Variants in BRINP3 observed in about 807,000 individuals in gnomAD.
BRINP3 encodes BMP/retinoic acid inducible neural specific 3.
A neutral mutation model predicts 71.0 loss-of-function variants in BRINP3; 19 were observed. The ratio of observed to expected loss-of-function variants is 0.27; its 90% CI spans 0.19 to 0.39. BRINP3 has a LOEUF of 0.39. Among genes scored for constraint, BRINP3 ranks in the 10% least tolerant of loss-of-function variants. BRINP3 has a pLI of 1.00. For missense variants in BRINP3, 959 were observed against 940.8 expected, an observed-to-expected ratio of 1.02 and a Z score of -0.25; for synonymous variants, 380 against 337.7, an observed-to-expected ratio of 1.13 and a Z score of -1.37.
chr1:190,203,490 T>C (rs1030592075), intron 6 of BRINP3, among the ~76,000 whole-genome samples: 2 of 149,576 alleles, frequency 1.3e-5, no homozygotes, highest in African/African-American at 4.9e-5. Flanking sequence ...TATATATATA[T>C]ATACATATAT....
At chr1:190,101,083 G>C (rs1419253873) in intron 7 of BRINP3, among the ~76,000 whole-genome samples, 2 of 152,166 alleles carry the variant, frequency 1.3e-5, no homozygotes, top group Non-Finnish European at 2.9e-5. Context: ...CCAGATGCCA[G>C]TCTTTTGATC....
intron 2 of BRINP3, among the ~76,000 whole-genome samples, chr1:190,345,245 AAAGAGACAC>A (rs2103126049): frequency 6.6e-6 from 1 of 151,938 alleles, no homozygotes; most frequent in African/African-American, 2.4e-5. Flanking sequence ...TCGTTCCAGA[AAAGAGACAC>A]AGATTTTCTC....
At chr1:190,251,805 CAA>C (rs35452757) in intron 4 of BRINP3, among the ~76,000 whole-genome samples, 1 of 145,102 alleles carries the variant, frequency 6.9e-6, no homozygotes, top group Non-Finnish European at 1.5e-5. Context: ...CAACAACAAC[CAA>C]AAAAAAAAAC....
chr1:190,165,608 C>T (rs1398509901), intron 6 of BRINP3, among the ~76,000 whole-genome samples: 5 of 150,938 alleles, frequency 3.3e-5, no homozygotes, highest in African/African-American at 1.2e-4. Flanking sequence ...CCAGAACACC[C>T]TCTAATAAAG....
intron 2 of BRINP3, among the ~76,000 whole-genome samples, chr1:190,322,936 G>C (rs1666341323): frequency 2.0e-5 from 3 of 151,996 alleles, no homozygotes; most frequent in African/African-American, 7.2e-5. Flanking sequence ...TTAAAGAGCG[G>C]GTGATGCAAC....
At chr1:190,310,525 G>A (rs1223140203) in intron 2 of BRINP3, among the ~76,000 whole-genome samples, 3 of 151,700 alleles carry the variant, frequency 2.0e-5, no homozygotes, top group African/African-American at 7.2e-5. Context: ...GATAGATTAT[G>A]TAAAATATCC....
At chr1:190,229,105 G>T (rs1203415365) in intron 5 of BRINP3, among the ~76,000 whole-genome samples, 1 of 151,932 alleles carries the variant, frequency 6.6e-6, no homozygotes, top group African/African-American at 2.4e-5. Context: ...GAATTTCTGG[G>T]GTTAACCTGG....
chr1:190,176,806 A>T (rs1373270557), intron 6 of BRINP3, among the ~76,000 whole-genome samples: 2 of 151,976 alleles, frequency 1.3e-5, no homozygotes, highest in Non-Finnish European at 1.5e-5. Context: ...TCTCATTCTT[A>T]CTTTTGCTGC....
At chr1:190,419,205 A>C (rs1213686697) in intron 2 of BRINP3, among the ~76,000 whole-genome samples, 2 of 152,194 alleles carry the variant, frequency 1.3e-5, no homozygotes, top group East Asian at 3.9e-4. Context: ...GAATGTTTCA[A>C]AAGCATTACA....
At chr1:190,140,613 G>A (rs912051633) in intron 7 of BRINP3, among the ~76,000 whole-genome samples, 8 of 152,060 alleles carry the variant, frequency 5.3e-5, no homozygotes, top group South Asian at 2.1e-4. Context: ...AATTAATTTT[G>A]ACATTGCTCA....
chr1:190,335,247 C>T (rs908330425), intron 2 of BRINP3, among the ~76,000 whole-genome samples: 1 of 151,792 alleles, frequency 6.6e-6, no homozygotes, highest in East Asian at 1.9e-4. Context: ...GATTAAACAA[C>T]TAGGACCACT....
chr1:190,384,830 T>G (rs1670779824), intron 2 of BRINP3, among the ~76,000 whole-genome samples: 1 of 151,924 alleles, frequency 6.6e-6, no homozygotes, highest in Non-Finnish European at 1.5e-5. Flanking sequence ...AATAGATTAT[T>G]TTCTCAGATT....
intron 6 of BRINP3, among the ~76,000 whole-genome samples, chr1:190,202,416 T>C (rs1040231181): frequency 1.3e-5 from 2 of 152,122 alleles, no homozygotes; most frequent in Admixed American, 1.3e-4. Context: ...TTGTCTTGAA[T>C]GAGACTTCGT....
chr1:190,099,729 C>G (rs780902131), intron 7 of BRINP3, among the ~76,000 whole-genome samples: 2 of 152,080 alleles, frequency 1.3e-5, no homozygotes, highest in Non-Finnish European at 2.9e-5. Flanking sequence ...AGTACCCACT[C>G]AAAGAAATAT....
chr1:190,329,160 G>C (rs1231602241), intron 2 of BRINP3, among the ~76,000 whole-genome samples: 3 of 151,984 alleles, frequency 2.0e-5, no homozygotes, highest in African/African-American at 7.2e-5. Context: ...CATGATACTG[G>C]AAGTGGTAGC....
intron 2 of BRINP3, among the ~76,000 whole-genome samples, chr1:190,303,097 T>TA (rs1372113640): frequency 2.0e-5 from 3 of 151,778 alleles, no homozygotes; most frequent in African/African-American, 7.2e-5. Context: ...TATAATTAGA[T>TA]AACATATTTT....
At chr1:190,365,961 C>A (rs534742501) in intron 2 of BRINP3, among the ~76,000 whole-genome samples, 2 of 151,562 alleles carry the variant, frequency 1.3e-5, no homozygotes, top group African/African-American at 2.4e-5. Flanking sequence ...GAAATAATGG[C>A]TTTCCAAAGA....
intron 2 of BRINP3, among the ~76,000 whole-genome samples, chr1:190,317,072 T>A (rs1665930920): frequency 6.7e-6 from 1 of 148,558 alleles, no homozygotes; most frequent in African/African-American, 2.5e-5. Context: ...CTCGGGAGGC[T>A]GAGATGGGAG....
At chr1:190,206,254 G>T (rs1655488442) in intron 6 of BRINP3, among the ~76,000 whole-genome samples, 1 of 151,936 alleles carries the variant, frequency 6.6e-6, no homozygotes. Flanking sequence ...AATAAACATG[G>T]AACTCTTGAG....
Sources: gnomAD v4.1 joint callset for allele counts (sites outside exome capture counted in the v4.1 genomes callset) on GRCh38, gnomAD v4.1.1 for gene constraint, MANE v1.5 for transcripts, NCBI Gene and HGNC (gene_info 2026-07-23, HGNC 2026-07-21) for gene names.